SLC25A12: variants seen among roughly 807,000 people sequenced by gnomAD.
SLC25A12 encodes solute carrier family 25 member 12.
In SLC25A12, 32 loss-of-function variants were observed where a neutral mutation model predicts 83.3. The ratio of observed to expected loss-of-function variants is 0.38; its 90% CI spans 0.29 to 0.52. The LOEUF (loss-of-function observed/expected upper bound fraction) is 0.52, where lower values mean the gene tolerates loss of function less well. Ranked by LOEUF, SLC25A12 falls within the 20% of genes least tolerant of loss-of-function variation. SLC25A12 has a pLI of 0.84. For missense variants in SLC25A12, 611 were observed against 835.6 expected, an observed-to-expected ratio of 0.73 and a Z score of 3.31; for synonymous variants, 267 against 291.1, an observed-to-expected ratio of 0.92 and a Z score of 0.84.
chr2:171,880,124 G>T (rs1262501916), intron 2 of SLC25A12, among the ~76,000 whole-genome samples: 1 of 152,118 alleles, frequency 6.6e-6, no homozygotes, highest in Non-Finnish European at 1.5e-5. Context: ...AGCCACTGTG[G>T]CTGTAATACA....
intron 5 of SLC25A12, among the ~76,000 whole-genome samples, chr2:171,842,106 C>A (rs1338301078): frequency 6.6e-6 from 1 of 151,944 alleles, no homozygotes; most frequent in African/African-American, 2.4e-5. Flanking sequence ...TTCACAATAA[C>A]CATAAGGTGG....
chr2:171,874,236 A>G (rs1177971779), intron 2 of SLC25A12, among the ~76,000 whole-genome samples: 1 of 151,472 alleles, frequency 6.6e-6, no homozygotes, highest in Non-Finnish European at 1.5e-5. Flanking sequence ...CAAAAAAATA[A>G]TAATAATTAG....
intron 3 of SLC25A12, among the ~76,000 whole-genome samples, chr2:171,858,595 T>G (rs946645901): frequency 6.6e-6 from 1 of 152,244 alleles, no homozygotes; most frequent in African/African-American, 2.4e-5. Context: ...GGTCCAAAGA[T>G]GTGTTTTCTT....
At chr2:171,880,663 A>C (rs1025370152) in intron 2 of SLC25A12, among the ~76,000 whole-genome samples, 7 of 152,210 alleles carry the variant, frequency 4.6e-5, no homozygotes, top group African/African-American at 1.7e-4. Flanking sequence ...CCCATCAGCC[A>C]GAGAGTTTGC....
chr2:171,791,108 T>A (rs2105837088), intron 15 of SLC25A12, among the ~76,000 whole-genome samples: 1 of 152,188 alleles, frequency 6.6e-6, no homozygotes, highest in Middle Eastern at 3.4e-3. Flanking sequence ...GCAACTGATT[T>A]GAGGAAAAAC....
chr2:171,783,835 C>T lies in SLC25A12; in HGVS notation c.*1439G>A, dbSNP rs185047040. Among the ~76,000 whole-genome samples the T allele has an allele frequency of 6.6e-6, 1 of 152,290 alleles. No homozygotes were observed. The highest frequency in any genetic ancestry group is 1.5e-5 in the Non-Finnish European group (1 of 68,012). ...TAATTCTTTTGTTCCTGGAGGGCCT[C>T]CAGGGAGCCTACAGTTGCAGTCACA... On this transcript the variant is annotated 3_prime_UTR_variant, in exon 18 of 18. Coordinates refer to ENST00000422440, the MANE Select transcript of SLC25A12 (RefSeq NM_003705.5).
At position 171,794,590 on chromosome 2, in the gene SLC25A12, GA is replaced by G. The variant is rs11450885; in HGVS notation, c.1306-824del. Among the ~76,000 whole-genome samples the G allele has an allele frequency of 7.9e-3, 1,068 of 135,190 alleles. 8 individuals are homozygous for G. The highest frequency in any genetic ancestry group is 0.024 in the African/African-American group (904 of 37,852). The allele number at this position is 135,190 out of a possible 152,430, so 88.7% of individuals were successfully genotyped here. A position where few individuals can be genotyped will look rare whatever the true frequency, so the allele number is the denominator to read the frequency against. ...CATCTGAAATCTGTTAACTAGTAGA[GA>G]AAAAAAAAAAACGTTTAACAAAACT... On this transcript the variant is annotated intron_variant, in intron 13 of 17. Coordinates refer to ENST00000422440, the MANE Select transcript of SLC25A12 (RefSeq NM_003705.5).
In SLC25A12 at chr2:171,791,567, C is replaced by T. The variant is rs2105837625; in HGVS notation, c.1469G>A (p.Arg490Gln). 1.4e-5 allele frequency: 23 copies of T among 1,613,884 alleles called. No individual in the cohort carries two copies. Among genetic ancestry groups the T allele is most frequent in the Non-Finnish European group, 1.9e-5 (23 of 1,179,902 alleles). Residue 490 changes from arginine (R) to glutamine (Q), a missense_variant, in exon 15 of 18, where the codon CGA (arginine) becomes CAA (glutamine). Coordinates refer to ENST00000422440, the MANE Select transcript of SLC25A12 (RefSeq NM_003705.5). ...LYKGAKACFL[R>Q]DIPFSAIYFP... ...ATAGATTGCAGAGAAGGGAATGTCT[C>T]GGAGGAAACACGCTTTGGCACCCTG...
chr2:171,799,490 G>A (rs1683665375), intron 13 of SLC25A12, among the ~76,000 whole-genome samples: 1 of 152,152 alleles, frequency 6.6e-6, no homozygotes. Flanking sequence ...TAAGGAGCTG[G>A]CTAGTTACAG....
Position 171,815,155 on chromosome 2 carries a change from A to C in SLC25A12, c.978T>G (p.Ser326=). ...GRPIWLQIAE[S]AYRFTLGSVA... The stretch of plus-strand genomic sequence containing the variant: ...CTGAGCCCAGAGTGAATCTGTAAGC[A>C]GACTCGGCAATCTGGAGCCAGATAG... The change falls in exon 10 of 18, where the codon TCT becomes TCG. Residue 326 remains serine (S), a synonymous_variant. Coordinates refer to ENST00000422440, the MANE Select transcript of SLC25A12 (RefSeq NM_003705.5). 6.2e-7 allele frequency: 1 copy of C among 1,613,932 alleles called. No individual in the cohort carries two copies. The highest frequency in any genetic ancestry group is 8.5e-7 in the Non-Finnish European group (1 of 1,179,836).
intron 2 of SLC25A12, among the ~76,000 whole-genome samples, chr2:171,883,160 G>A (rs774243548): frequency 2.0e-5 from 3 of 152,146 alleles, no homozygotes; most frequent in Non-Finnish European, 2.9e-5. Flanking sequence ...GAGAAGACAA[G>A]GGACTCAGAT....
At chr2:171,812,601 A>T (rs1048437490) in intron 11 of SLC25A12, among the ~76,000 whole-genome samples, 4 of 140,042 alleles carry the variant, frequency 2.9e-5, no homozygotes, top group Non-Finnish European at 4.8e-5. Flanking sequence ...CCAAAGAGAC[A>T]AGTTCCTACA....
At chr2:171,867,890 G>A (rs184255727) in intron 3 of SLC25A12, among the ~76,000 whole-genome samples, 33 of 152,252 alleles carry the variant, frequency 2.2e-4, no homozygotes, top group Non-Finnish European at 4.3e-4. Context: ...TGTTGCCCAG[G>A]CTAGAGTGCA....
chr2:171,823,106 C>T (rs902080882), intron 9 of SLC25A12, among the ~76,000 whole-genome samples: 2 of 152,132 alleles, frequency 1.3e-5, no homozygotes, highest in Non-Finnish European at 2.9e-5. Context: ...CTTACAATGC[C>T]TCATAAACCT....
chr2:171,802,218 C>T (rs963716671), intron 13 of SLC25A12, among the ~76,000 whole-genome samples: 2 of 152,116 alleles, frequency 1.3e-5, no homozygotes, highest in African/African-American at 4.8e-5. Context: ...GTTGCACAAG[C>T]TGGCCTTGAA....
chr2:171,792,367 A>G lies in SLC25A12; in HGVS notation c.1447-778T>C, dbSNP rs557271905. 2.6e-5 allele frequency among the ~76,000 whole-genome samples: 4 copies of G among 151,740 alleles called. No homozygotes were observed. In the South Asian group the frequency reaches 8.3e-4, roughly 32 times the overall value. On this transcript the variant is annotated intron_variant, in intron 14 of 17. Transcript: ENST00000422440. ...TAGTGGCAGGATCACAGCTTGCTGT[A>G]GCCTTGACCGTCTGAGCTCAAGTGA...
intron 14 of SLC25A12, among the ~76,000 whole-genome samples, chr2:171,792,517 T>C (rs554962578): frequency 6.6e-6 from 1 of 151,618 alleles, no homozygotes; most frequent in African/African-American, 2.4e-5. Flanking sequence ...CTGGCTGGTC[T>C]TGAACTCCTG....
intron 9 of SLC25A12, among the ~76,000 whole-genome samples, chr2:171,825,569 G>GTCTCTC (rs140552995): frequency 6.7e-6 from 1 of 149,678 alleles, no homozygotes; most frequent in Admixed American, 6.6e-5. Flanking sequence ...TTTAGTAACT[G>GTCTCTC]TCTCTCTCTC....
chr2:171,804,914 G>C (rs1209106378), intron 13 of SLC25A12, among the ~76,000 whole-genome samples: 2 of 152,318 alleles, frequency 1.3e-5, no homozygotes, highest in East Asian at 3.9e-4. Context: ...TTACGGATGG[G>C]ATGGGAAGAT....
Sources: gnomAD v4.1 joint callset for allele counts (sites outside exome capture counted in the v4.1 genomes callset) on GRCh38, gnomAD v4.1.1 for gene constraint, MANE v1.5 for transcripts, NCBI Gene and HGNC (gene_info 2026-07-23, HGNC 2026-07-21) for gene names.